The following CRPPA variants were observed in gnomAD, a reference collection of about 807,000 sequenced individuals.
The protein encoded by CRPPA is D-ribitol-5-phosphate cytidylyltransferase.
Under a neutral mutation model 52.0 loss-of-function variants are expected in CRPPA, and 43 were observed. The observed-to-expected ratio is 0.83, with a 90% CI of 0.65 to 1.07. The LOEUF is 1.07. Among genes scored for constraint, CRPPA ranks in the 50% least tolerant of loss-of-function variants. CRPPA has a pLI of 0.00. For synonymous variants in CRPPA, 250 were observed against 203.5 expected, an observed-to-expected ratio of 1.23 and a Z score of -1.94; for missense variants, 629 against 551.7, an observed-to-expected ratio of 1.14 and a Z score of -1.40.
intron 9 of CRPPA, among the ~76,000 whole-genome samples, chr7:16,128,336 T>G (rs997355626): frequency 1.3e-5 from 2 of 152,150 alleles, no homozygotes; most frequent in Non-Finnish European, 2.9e-5. Flanking sequence ...TTTTATAATT[T>G]AAAAAAATTC....
chr7:16,378,283 C>T (rs1381661071), intron 2 of CRPPA, among the ~76,000 whole-genome samples: 2 of 119,988 alleles, frequency 1.7e-5, no homozygotes, highest in African/African-American at 6.3e-5. Flanking sequence ...ACAACAGACC[C>T]CAGAGTGTGA....
At chr7:16,269,070 C>G (rs1326452861) in intron 6 of CRPPA, 2 of 152,168 alleles carry the variant, frequency 1.3e-5, no homozygotes, top group African/African-American at 4.8e-5. Flanking sequence ...CTCTTTATCT[C>G]CAGCAACATA....
chr7:16,232,563 G>A (rs1186889299), intron 8 of CRPPA, among the ~76,000 whole-genome samples: 2 of 152,084 alleles, frequency 1.3e-5, no homozygotes, highest in South Asian at 2.1e-4. Context: ...CCCAGTTCAT[G>A]TTATTCTAAC....
intron 8 of CRPPA, among the ~76,000 whole-genome samples, chr7:16,229,743 A>T (rs1245284973): frequency 2.6e-5 from 4 of 152,030 alleles, no homozygotes; most frequent in Non-Finnish European, 5.9e-5. Flanking sequence ...ATATTTTCAA[A>T]TGTTTTCATA....
intron 3 of CRPPA, among the ~76,000 whole-genome samples, chr7:16,312,204 G>A (rs368859888): frequency 4.6e-5 from 7 of 152,080 alleles, no homozygotes; most frequent in Middle Eastern, 3.4e-3. Flanking sequence ...TGTAGATCAC[G>A]TTGGGGAGAA....
intron 9 of CRPPA, among the ~76,000 whole-genome samples, chr7:16,134,960 C>T (rs1389869969): frequency 2.0e-5 from 3 of 152,128 alleles, no homozygotes; most frequent in Non-Finnish European, 2.9e-5. Context: ...TACTCATATA[C>T]CTGTTTTGTT....
intron 9 of CRPPA, among the ~76,000 whole-genome samples, chr7:16,156,786 T>A (rs1285026973): frequency 6.6e-6 from 1 of 152,182 alleles, no homozygotes; most frequent in Non-Finnish European, 1.5e-5. Flanking sequence ...ACCCTAAGAA[T>A]CTGCTGAAAG....
chr7:16,103,712 G>C (rs1009031113), intron 9 of CRPPA, among the ~76,000 whole-genome samples: 3 of 152,102 alleles, frequency 2.0e-5, no homozygotes, highest in African/African-American at 7.2e-5. Flanking sequence ...CTCTTAAATG[G>C]GGTGGCTGCA....
chr7:16,410,711 C>G (rs541778490), intron 1 of CRPPA, among the ~76,000 whole-genome samples: 6 of 152,284 alleles, frequency 3.9e-5, no homozygotes, highest in African/African-American at 1.4e-4. Flanking sequence ...CCCTCTTACT[C>G]TCATACCCAA....
chr7:16,297,357 T>C (rs1784695230), intron 5 of CRPPA, among the ~76,000 whole-genome samples: 1 of 152,148 alleles, frequency 6.6e-6, no homozygotes, highest in Non-Finnish European at 1.5e-5. Flanking sequence ...CATTTCTATG[T>C]TTTAAAAGGA....
chr7:16,091,851 G>A lies in CRPPA; in HGVS notation c.1252-52C>T, dbSNP rs1781844988. ...ATTTTAGAAAAAACATATGCCATGT[G>A]TTAAGTTTGATAAAAAGCCACTTTT... On this transcript the variant is annotated intron_variant, in intron 9 of 9. Coordinates refer to ENST00000407010, the MANE Select transcript of CRPPA (RefSeq NM_001101426.4). 4.5e-6 allele frequency: 5 copies of A among 1,110,268 alleles called. No homozygotes were observed. The South Asian group carries it at 5.1e-5, about 11-fold the overall frequency. 68.8% of individuals were successfully genotyped at this position (1,110,268 alleles called of 1,614,324 possible). A position where few individuals can be genotyped will look rare whatever the true frequency, so the allele number is the denominator to read the frequency against.
chr7:16,350,884 T>A (rs1786133818), intron 3 of CRPPA, among the ~76,000 whole-genome samples: 1 of 152,052 alleles, frequency 6.6e-6, no homozygotes, highest in African/African-American at 2.4e-5. Context: ...ACACTCAGAC[T>A]GAAAGTGAAG....
At chr7:16,241,973 G>GTGGGGGT (rs1249826023) in intron 8 of CRPPA, among the ~76,000 whole-genome samples, 1 of 106,580 alleles carries the variant, frequency 9.4e-6, no homozygotes. Context: ...TTTTTTGTTG[G>GTGGGGGT]GGGGAGATAG....
At chr7:16,235,312 T>C (rs1270116376) in intron 8 of CRPPA, among the ~76,000 whole-genome samples, 1 of 152,072 alleles carries the variant, frequency 6.6e-6, no homozygotes, top group African/African-American at 2.4e-5. Context: ...CGTAAGTCAG[T>C]GTATGAGTAA....
intron 9 of CRPPA, among the ~76,000 whole-genome samples, chr7:16,106,168 G>A (rs1281091011): frequency 6.6e-6 from 1 of 152,118 alleles, no homozygotes. Flanking sequence ...CCAAAAATTT[G>A]GAGAACCATA....
At chr7:16,190,273 C>G (rs2128390201) in intron 9 of CRPPA, among the ~76,000 whole-genome samples, 1 of 152,220 alleles carries the variant, frequency 6.6e-6, no homozygotes, top group South Asian at 2.1e-4. Flanking sequence ...AACTAGAAAG[C>G]TATTTTCAAT....
intron 8 of CRPPA, among the ~76,000 whole-genome samples, chr7:16,247,374 T>C (rs539897928): frequency 1.1e-4 from 17 of 152,268 alleles, no homozygotes; most frequent in African/African-American, 3.6e-4. Flanking sequence ...CTGATTTCAG[T>C]ATTGTTTTGT....
chr7:16,213,518 G>A (rs901883333), intron 9 of CRPPA, among the ~76,000 whole-genome samples: 2 of 152,010 alleles, frequency 1.3e-5, no homozygotes, highest in Admixed American at 6.5e-5. Context: ...GGAGGCTGAG[G>A]TGGGTGGATC....
chr7:16,278,353 C>A (rs1199283442), intron 5 of CRPPA, 127 bp from the exon 6 acceptor site: 2 of 606,770 alleles, frequency 3.3e-6, no homozygotes, highest in African/African-American at 1.9e-5. Context: ...TGATTTCAGG[C>A]CAAGTGGAGT....
Sources: gnomAD v4.1 joint callset for allele counts (sites outside exome capture counted in the v4.1 genomes callset) on GRCh38, gnomAD v4.1.1 for gene constraint, MANE v1.5 for transcripts, NCBI Gene and HGNC (gene_info 2026-07-23, HGNC 2026-07-21) for gene names.